The following CTR9 variants were observed in gnomAD, a reference collection of about 807,000 sequenced individuals.
CTR9 encodes the protein RNA polymerase-associated protein CTR9 homolog.
CTR9 carries 41 observed loss-of-function variants against 152.1 expected under a neutral mutation model. That is an observed-to-expected ratio of 0.27 (90% CI 0.21 to 0.35). CTR9 has a LOEUF of 0.35. Among genes scored for constraint, CTR9 ranks in the 10% least tolerant of loss-of-function variants. The pLI is 1.00. For synonymous variants in CTR9, 476 were observed against 496.2 expected, an observed-to-expected ratio of 0.96 and a Z score of 0.54; for missense variants, 917 against 1,424.4, an observed-to-expected ratio of 0.64 and a Z score of 5.73.
intron 7 of CTR9, 148 bp from the exon 8 acceptor site, chr11:10,763,283 G>C (rs567505592): frequency 1.5e-6 from 1 of 649,724 alleles, no homozygotes; most frequent in South Asian, 1.8e-5. Context: ...TATTGATTAG[G>C]TTATAACTGT....
At chr11:10,771,330 T>G (rs921761619) in intron 18 of CTR9, among the ~76,000 whole-genome samples, 1 of 152,224 alleles carries the variant, frequency 6.6e-6, no homozygotes, top group East Asian at 1.9e-4. Context: ...TTGAATTGCT[T>G]TGTGGTTATT....
chr11:10,771,151 G>A (rs934815691), intron 18 of CTR9, among the ~76,000 whole-genome samples: 7 of 152,284 alleles, frequency 4.6e-5, no homozygotes, highest in Non-Finnish European at 1.0e-4. Flanking sequence ...TCAGTGTGTG[G>A]TGAAATTAAA....
chr11:10,767,872 C>A lies in CTR9; in HGVS notation c.1753C>A (p.Gln585Lys). 6.2e-7 allele frequency: 1 copy of A among 1,614,020 alleles called. No homozygotes were observed. Among genetic ancestry groups the A allele is most frequent in the Non-Finnish European group, 8.5e-7 (1 of 1,179,994 alleles). ...HLAKQEWGPG[Q>K]KKFERILKQP... ...GGCAAAACAAGAATGGGGTCCTGGGCAGAAGAAGTTTGAGAGGATATTAAA... is the reference window on the plus strand; with the variant it reads ...GGCAAAACAAGAATGGGGTCCTGGGAAGAAGAAGTTTGAGAGGATATTAAA... Residue 585 changes from glutamine (Q) to lysine (K), a missense_variant, in exon 14 of 25, where the codon CAG becomes AAG. Transcript: ENST00000361367. This position sits in a 1 kb window ranked among gnomAD's most constrained non-coding sequence, Gnocchi z 4.0.
chr11:10,778,331 A>C (rs574893658), intron 24 of CTR9, among the ~76,000 whole-genome samples: 1 of 152,240 alleles, frequency 6.6e-6, no homozygotes, highest in Non-Finnish European at 1.5e-5. Flanking sequence ...ATTTGTGTAC[A>C]GAGATAAACA....
chr11:10,769,596 A>C (rs540929683), intron 16 of CTR9, among the ~76,000 whole-genome samples: 6 of 152,338 alleles, frequency 3.9e-5, no homozygotes, highest in African/African-American at 1.2e-4. Context: ...GCTGAATGAT[A>C]ATGTTGTCTT....
chr11:10,770,729 A>G (rs2135379008), intron 18 of CTR9, 97 bp downstream of exon 18: 1 of 1,167,566 alleles, frequency 8.6e-7, no homozygotes, highest in Non-Finnish European at 1.2e-6. Context: ...GCTTTGTTTA[A>G]AGCTATTTGT....
At chr11:10,754,912 A>G (rs1862861635) in intron 2 of CTR9, 46 bp from the exon 3 acceptor site, 2 of 1,557,488 alleles carry the variant, frequency 1.3e-6, no homozygotes, top group East Asian at 2.3e-5. Context: ...AACTTTTTAT[A>G]TGGACATATG....
At position 10,779,003 on chromosome 11, in the gene CTR9, T is replaced by A. The variant is rs1200493903; in HGVS notation, c.3420T>A (p.Asn1140Lys). 6.2e-7 allele frequency: 1 copy of A among 1,614,002 alleles called. No homozygotes were observed. The highest frequency in any genetic ancestry group is 1.1e-5 in the South Asian group (1 of 91,086). ...SDHESERGSD[N>K]EGSGQGSGNE... ...ACGAATCGGAGAGAGGATCTGATAA[T>A]GAGGGTTCTGGCCAAGGCTCTGGAA... Residue 1140 changes from asparagine to lysine, a missense_variant, in exon 25 of 25, where the codon AAT (asparagine) becomes AAA (lysine). Asn to Lys is a moderately conservative substitution (Grantham distance 94). Transcript: ENST00000361367.
chr11:10,755,037 A>G lies in CTR9; in HGVS notation c.224A>G (p.Tyr75Cys). 1 of 1,614,124 alleles carries G rather than the reference A, an allele frequency of 6.2e-7. No individual in the cohort carries two copies. Residue 75 changes from tyrosine to cysteine, a missense_variant, in exon 3 of 25, where the codon TAT (tyrosine) becomes TGT (cysteine). By Grantham distance (194) the Tyr-to-Cys change is radical. Around this residue, in one of 9 missense-constraint regions of CTR9, gnomAD observed 67 missense variants for 106.9 expected, o/e 0.63. Coordinates refer to ENST00000361367, the MANE Select transcript of CTR9 (RefSeq NM_014633.5). The stretch of plus-strand genomic sequence containing the variant: ...GCACGTATAGATGGCAATTTGGACT[A>G]TAGAGACCATGAAAAAGACCAGATG... ...EAARIDGNLD[Y>C]RDHEKDQMTC...
At chr11:10,755,877 A>G in intron 4 of CTR9, 82 bp downstream of exon 4, 1 of 747,688 alleles carries the variant, frequency 1.3e-6, no homozygotes, top group Non-Finnish European at 2.3e-6. Context: ...TAGCTCCTTA[A>G]TAACTCAGCT....
intron 6 of CTR9, among the ~76,000 whole-genome samples, 195 bp from the exon 7 acceptor site, chr11:10,761,752 C>CA (rs1398808381): frequency 6.6e-6 from 1 of 151,714 alleles, no homozygotes; most frequent in Admixed American, 6.6e-5. Flanking sequence ...AAGTGACACA[C>CA]AAAAAAATTA....
intron 1 of CTR9, 125 bp downstream of exon 1, chr11:10,751,582 T>A: frequency 1.1e-6 from 1 of 922,996 alleles, no homozygotes; most frequent in Non-Finnish European, 1.7e-6. Context: ...TCGAAATACC[T>A]GGCCAAGGTC....
chr11:10,758,158 T>C (rs767631443), intron 5 of CTR9, among the ~76,000 whole-genome samples: 2 of 152,210 alleles, frequency 1.3e-5, no homozygotes, highest in Non-Finnish European at 2.9e-5. Flanking sequence ...TCACAGATTA[T>C]TGTAAGGACT....
intron 24 of CTR9, among the ~76,000 whole-genome samples, chr11:10,777,685 T>C (rs372456727): frequency 6.6e-6 from 1 of 152,352 alleles, no homozygotes; most frequent in East Asian, 1.9e-4. Flanking sequence ...AGTTAAGCTT[T>C]GTCCTGACCA....
chr11:10,754,357 A>C (rs1339623525), intron 2 of CTR9, among the ~76,000 whole-genome samples: 1 of 152,218 alleles, frequency 6.6e-6, no homozygotes, highest in Admixed American at 6.5e-5. Context: ...TTAGAAATCA[A>C]CTAGATAAGC....
chr11:10,766,599 TG>T (rs1863063848), intron 13 of CTR9, 109 bp downstream of exon 13: 2 of 776,004 alleles, frequency 2.6e-6, no homozygotes, highest in East Asian at 2.9e-5. Flanking sequence ...TGTCATTTTT[TG>T]TTTTGTTTTC....
chr11:10,776,583 A>G (rs1054515359), intron 24 of CTR9, among the ~76,000 whole-genome samples: 3 of 152,236 alleles, frequency 2.0e-5, no homozygotes, highest in African/African-American at 7.2e-5. Context: ...TGTGTGAGAC[A>G]GTGTAAGTGC....
intron 5 of CTR9, 139 bp downstream of exon 5, chr11:10,756,977 C>G (rs1862895048): frequency 7.3e-6 from 5 of 686,792 alleles, no homozygotes; most frequent in South Asian, 6.9e-5. Flanking sequence ...TTTTTTGATG[C>G]TATGTTTGAG....
At position 10,755,790 on chromosome 11, in the gene CTR9, T is replaced by G. The variant is rs750530850; in HGVS notation, c.497T>G (p.Leu166Arg). 6.3e-7 allele frequency: 1 copy of G among 1,599,260 alleles called. No individual in the cohort carries two copies. The highest frequency in any genetic ancestry group is 8.6e-7 in the Non-Finnish European group (1 of 1,168,082). ...CAGTCTCCAAATAATATTCCAGCCC[T>G]TCTTGGTAAGTGGTCTTTGGCAACA... ...LNQSPNNIPA[L>R]LGKACISFNK... Residue 166 changes from leucine to arginine, a missense_variant, in exon 4 of 25, where the codon CTT becomes CGT. Transcript: ENST00000361367.
Sources: gnomAD v4.1 joint callset for allele counts (sites outside exome capture counted in the v4.1 genomes callset) on GRCh38, gnomAD v4.1.1 for gene constraint, gnomAD v4.1.1 regional missense constraint, Gnocchi (gnomAD v3.1) non-coding constraint, MANE v1.5 for transcripts, NCBI Gene and HGNC (gene_info 2026-07-23, HGNC 2026-07-21) for gene names.